TNS1: variants seen among roughly 807,000 people sequenced by gnomAD.
TNS1 encodes the protein tensin-1.
Under a neutral mutation model 168.6 loss-of-function variants are expected in TNS1, and 62 were observed. That is an observed-to-expected ratio of 0.37 (90% CI 0.30 to 0.45). The LOEUF is 0.45. TNS1 is among the 20% of genes least tolerant of loss of function. The pLI, the probability that TNS1 is intolerant of heterozygous loss-of-function variation, is 1.00. For synonymous variants in TNS1, 934 were observed against 933.2 expected (o/e 1.00, Z -0.02); for missense variants, 2,240 against 2,339.4 (o/e 0.96, Z 0.88).
intron 18 of TNS1, chr2:217,850,100 C>T: frequency 1.0e-6 from 1 of 985,390 alleles, no homozygotes; most frequent in African/African-American, 1.7e-5. Context: ...CCATACCACT[C>T]AAGACTCCAG....
intron 1 of TNS1, among the ~76,000 whole-genome samples, chr2:218,031,830 C>T (rs1467886213): frequency 6.6e-6 from 1 of 152,188 alleles, no homozygotes; most frequent in African/African-American, 2.4e-5. Flanking sequence ...CCCAGGAGAA[C>T]GTCTAACCTC....
intron 18 of TNS1, among the ~76,000 whole-genome samples, chr2:217,875,756 C>T (rs1380498754): frequency 6.6e-6 from 1 of 152,208 alleles, no homozygotes; most frequent in Non-Finnish European, 1.5e-5. Flanking sequence ...GAGGCTCCTC[C>T]CCTACCCAGA....
chr2:217,813,798 T>C lies in TNS1; in HGVS notation c.4748A>G (p.Asp1583Gly), dbSNP rs1574581932. Residue 1583 changes from aspartate to glycine, a missense_variant, in exon 26 of 33, where the codon GAC becomes GGC. By Grantham distance (94) the Asp-to-Gly change is moderately conservative. Transcript: ENST00000682258. The surrounding 1 kb of genome is among the most constrained non-coding windows in gnomAD (Gnocchi z 4.0). ...SREQAIALLK[D>G]QEPGAFIIRD... ...GATGATGAAGGCCCCCGGCTCCTGG[T>C]CCTTGAGGAGCGCGATGGCTGCATG... 6.2e-7 allele frequency: 1 copy of C among 1,612,482 alleles called. No individual in the cohort carries two copies. Among genetic ancestry groups the C allele is most frequent in the Non-Finnish European group, 8.5e-7 (1 of 1,179,182 alleles).
chr2:218,021,593 C>G (rs549760000), intron 1 of TNS1, among the ~76,000 whole-genome samples: 1 of 152,328 alleles, frequency 6.6e-6, no homozygotes, highest in Admixed American at 6.5e-5. Flanking sequence ...AGCTAGGACT[C>G]CAGGGTGGAT....
chr2:217,860,439 T>A (rs1214197880), intron 18 of TNS1, among the ~76,000 whole-genome samples: 1 of 152,112 alleles, frequency 6.6e-6, no homozygotes, highest in Non-Finnish European at 1.5e-5. Flanking sequence ...TGCCTCAGGC[T>A]CCACCTGGGG....
intron 3 of TNS1, among the ~76,000 whole-genome samples, chr2:217,954,854 G>A (rs1365583754): frequency 1.3e-5 from 2 of 152,130 alleles, no homozygotes; most frequent in East Asian, 3.9e-4. Context: ...ACTCTCATGA[G>A]TAAAGGACCC....
chr2:217,991,056 G>A lies in TNS1; in HGVS notation c.34C>T (p.Pro12Ser). The A allele has an allele frequency of 1.5e-6, 1 of 670,788 alleles. No homozygotes were observed. The highest frequency in any genetic ancestry group is 1.6e-5 in the South Asian group (1 of 63,496). The allele number at this position is 670,788 out of a possible 1,614,324, so 41.6% of individuals were successfully genotyped here. Reference sequence around the variant, plus strand: ...GTCTTGGGGGCCTCCAGATCCTCTGGCTGTGGGAGGAGAGGCACAGAGTCA... The same window carrying A: ...GTCTTGGGGGCCTCCAGATCCTCTGACTGTGGGAGGAGAGGCACAGAGTCA... ...TWICLSCMLW[P>S]EDLEAPKTHR... The change falls in exon 2 of 33, where the codon CCA (proline) becomes TCA (serine). Residue 12 changes from proline (P) to serine (S), a missense_variant and splice_region_variant. Pro to Ser is a moderately conservative substitution (Grantham distance 74, BLOSUM62 -1). This residue lies in a region of TNS1 where 2,131 missense variants were observed against 2,171.2 expected (regional missense o/e 0.98). Transcript: ENST00000682258.
At chr2:217,895,593 T>C (rs747820595) in intron 8 of TNS1, among the ~76,000 whole-genome samples, 1 of 152,130 alleles carries the variant, frequency 6.6e-6, no homozygotes, top group African/African-American at 2.4e-5. Context: ...TCCCATGAGG[T>C]TGCAACCTCT....
intron 18 of TNS1, among the ~76,000 whole-genome samples, chr2:217,853,743 C>T (rs944203944): frequency 6.6e-6 from 1 of 152,174 alleles, no homozygotes; most frequent in African/African-American, 2.4e-5. Context: ...GGCCTTTATT[C>T]CAGGGCAGCC....
intron 3 of TNS1, among the ~76,000 whole-genome samples, chr2:217,922,229 C>G (rs557512453): frequency 6.6e-6 from 1 of 152,198 alleles, no homozygotes; most frequent in African/African-American, 2.4e-5. Flanking sequence ...ACCCTGCCCA[C>G]GAGACCAGGT....
chr2:217,914,815 C>T (rs1362296084), intron 4 of TNS1, among the ~76,000 whole-genome samples: 5 of 152,190 alleles, frequency 3.3e-5, no homozygotes, highest in Non-Finnish European at 7.3e-5. Context: ...CACTTTGAAC[C>T]CCTTTTGGCA....
intron 3 of TNS1, among the ~76,000 whole-genome samples, chr2:217,953,026 C>T (rs1368607053): frequency 6.6e-6 from 1 of 152,238 alleles, no homozygotes; most frequent in Non-Finnish European, 1.5e-5. Context: ...CAGCCCAGCG[C>T]TCAGGCCTCT....
At chr2:217,807,268 T>G (rs1056750785) in intron 32 of TNS1, among the ~76,000 whole-genome samples, 7 of 152,194 alleles carry the variant, frequency 4.6e-5, no homozygotes, top group Non-Finnish European at 8.8e-5. Flanking sequence ...AAGTGAAAAG[T>G]AGATGACAGA....
At chr2:217,958,590 G>A (rs114955492) in intron 3 of TNS1, among the ~76,000 whole-genome samples, 1 of 152,200 alleles carries the variant, frequency 6.6e-6, no homozygotes, top group Non-Finnish European at 1.5e-5. Flanking sequence ...GCCCTCATGG[G>A]TAGACCTAAC....
In TNS1 at chr2:217,861,617, C is replaced by A. The variant is rs572215041; in HGVS notation, c.1430-12530G>T. ...TGGAAGTCAGACATTGGTTTGAATACAGATACTACCAACTACTAGCTTAAG... is the reference window on the plus strand; with the variant it reads ...TGGAAGTCAGACATTGGTTTGAATAAAGATACTACCAACTACTAGCTTAAG... On this transcript the variant is annotated intron_variant, in intron 18 of 32. Transcript: ENST00000682258. Among the ~76,000 whole-genome samples the A allele has an allele frequency of 2.1e-4, 32 of 152,356 alleles. No homozygotes were observed. In the East Asian group the frequency reaches 4.0e-3, roughly 19 times the overall value.
intron 1 of TNS1, among the ~76,000 whole-genome samples, chr2:218,022,933 C>T (rs1277664219): frequency 2.6e-5 from 4 of 152,064 alleles, no homozygotes; most frequent in Non-Finnish European, 4.4e-5. Context: ...TGGGCTTCCT[C>T]GCCCACCCTG....
intron 7 of TNS1, among the ~76,000 whole-genome samples, chr2:217,900,115 G>C (rs1397928299): frequency 1.3e-5 from 2 of 152,194 alleles, no homozygotes; most frequent in African/African-American, 4.8e-5. Flanking sequence ...GCAAATCCAA[G>C]TGCTGCCTCT....
At chr2:218,022,647 A>T (rs1958815562) in intron 1 of TNS1, among the ~76,000 whole-genome samples, 1 of 151,488 alleles carries the variant, frequency 6.6e-6, no homozygotes, top group Non-Finnish European at 1.5e-5. Flanking sequence ...AGAGGGGGAG[A>T]TAAATGGGGG....
chr2:217,988,597 A>G (rs1049517698), intron 2 of TNS1, among the ~76,000 whole-genome samples: 4 of 152,172 alleles, frequency 2.6e-5, no homozygotes, highest in African/African-American at 9.7e-5. Flanking sequence ...CTGTTATGCA[A>G]ACAAAATGCA....
Sources: allele counts gnomAD v4.1 joint callset (sites outside exome capture counted in the v4.1 genomes callset), GRCh38; gene constraint gnomAD v4.1.1; regional missense constraint gnomAD v4.1.1; non-coding constraint Gnocchi (gnomAD v3.1); transcripts MANE v1.5; gene names NCBI Gene and HGNC (gene_info 2026-07-23, HGNC 2026-07-21).